Variants in RANBP17 observed in about 807,000 individuals in gnomAD.
RANBP17 encodes RAN binding protein 17, also known as ran-binding protein 17.
In RANBP17, 158 loss-of-function variants were observed where a neutral mutation model predicts 141.2. The observed-to-expected ratio is 1.12, with a 90% CI of 0.98 to 1.28. RANBP17 has a LOEUF of 1.28. Ranked by LOEUF, RANBP17 falls within the 50% of genes most tolerant of loss-of-function variation. RANBP17 has a pLI of 0.00. For missense variants in RANBP17, 1,438 were observed against 1,290.7 expected, an observed-to-expected ratio of 1.11 and a Z score of -1.75; for synonymous variants, 430 against 450.0, an observed-to-expected ratio of 0.96 and a Z score of 0.56.
intron 12 of RANBP17, among the ~76,000 whole-genome samples, chr5:170,942,581 T>TA (rs1413607957): frequency 3.5e-5 from 5 of 143,812 alleles, no homozygotes; most frequent in Admixed American, 6.8e-5. Flanking sequence ...GAGGAAGCTT[T>TA]AAAAAATCAA....
chr5:171,261,695 T>C (rs917401896), intron 24 of RANBP17, among the ~76,000 whole-genome samples: 2 of 152,188 alleles, frequency 1.3e-5, no homozygotes, highest in African/African-American at 4.8e-5. Flanking sequence ...GGCTTAAAAA[T>C]TATTTCCAAA....
At chr5:171,213,258 AT>A (rs1165969037) in intron 20 of RANBP17, among the ~76,000 whole-genome samples, 1 of 152,210 alleles carries the variant, frequency 6.6e-6, no homozygotes, top group South Asian at 2.1e-4. Context: ...ACTCAAATAT[AT>A]TTTTATCCTC....
chr5:170,912,941 A>G (rs1300147992), intron 7 of RANBP17, among the ~76,000 whole-genome samples: 2 of 151,994 alleles, frequency 1.3e-5, no homozygotes, highest in African/African-American at 2.4e-5. Context: ...AAGGATAAAG[A>G]AAAAAATTCT....
chr5:170,940,054 ATT>A (rs1774203922), intron 12 of RANBP17, among the ~76,000 whole-genome samples: 1 of 152,248 alleles, frequency 6.6e-6, no homozygotes, highest in East Asian at 1.9e-4. Context: ...CAGATATGTT[ATT>A]AATCCAATAA....
At chr5:171,252,290 A>T in intron 24 of RANBP17, 1 of 1,550,954 alleles carries the variant, frequency 6.4e-7, no homozygotes, top group Non-Finnish European at 8.9e-7. Context: ...AATATTAATA[A>T]TGAAAATAAT....
chr5:171,002,171 G>A (rs931849810), intron 14 of RANBP17, among the ~76,000 whole-genome samples: 4 of 152,176 alleles, frequency 2.6e-5, no homozygotes, highest in South Asian at 2.1e-4. Context: ...AAGAGGTTAT[G>A]AAATGACGAT....
At chr5:170,903,528 C>T (rs3933492) in intron 5 of RANBP17, 136,430 of 214,154 alleles carry the variant, frequency 0.64, 45,633 homozygotes, top group South Asian at 0.89. Context: ...AGGTGCCACT[C>T]GGCACATTTC....
chr5:170,876,987 CTT>C (rs1768232758), intron 1 of RANBP17, among the ~76,000 whole-genome samples: 1 of 152,038 alleles, frequency 6.6e-6, no homozygotes. Flanking sequence ...CAGAAGACCT[CTT>C]TAACAAAAAA....
intron 14 of RANBP17, among the ~76,000 whole-genome samples, chr5:171,159,353 T>C (rs1385985470): frequency 6.6e-6 from 1 of 152,222 alleles, no homozygotes; most frequent in Non-Finnish European, 1.5e-5. Context: ...CTCATTTCTT[T>C]AACTGAAGAT....
At chr5:170,945,062 T>C (rs1268441816) in intron 12 of RANBP17, among the ~76,000 whole-genome samples, 1 of 152,214 alleles carries the variant, frequency 6.6e-6, no homozygotes, top group African/African-American at 2.4e-5. Context: ...TATTTAGTTA[T>C]ATCCCTAGCA....
At chr5:170,967,098 G>A (rs1776624336) in intron 13 of RANBP17, among the ~76,000 whole-genome samples, 1 of 152,060 alleles carries the variant, frequency 6.6e-6, no homozygotes, top group South Asian at 2.1e-4. Context: ...ATGTTAAGCA[G>A]CTTCAGAAGA....
intron 14 of RANBP17, among the ~76,000 whole-genome samples, chr5:171,140,149 G>C (rs1757591612): frequency 6.6e-6 from 1 of 152,082 alleles, no homozygotes; most frequent in Non-Finnish European, 1.5e-5. Flanking sequence ...GATCTCCCAG[G>C]CTAGGTTATG....
At chr5:170,903,747 T>A in intron 5 of RANBP17, 1 of 309,798 alleles carries the variant, frequency 3.2e-6, no homozygotes, top group South Asian at 3.9e-5. Context: ...TTCTGGAAAG[T>A]TGGGTACAAC....
Position 170,868,111 on chromosome 5 carries a change from T to G in RANBP17, c.18+6060T>G, listed in dbSNP as rs79544373. On this transcript the variant is annotated intron_variant, in intron 1 of 27. Transcript: ENST00000523189. ...TTACTTGCTATATAAAAATAACTCA[T>G]CATTTAGGGGCCAATTCTGTGTCAG... Among the ~76,000 whole-genome samples, 741 of 152,326 alleles carry G rather than the reference T, an allele frequency of 4.9e-3. 5 individuals carry two copies. The highest frequency in any genetic ancestry group is 0.017 in the African/African-American group (696 of 41,572).
chr5:171,225,575 C>T (rs1763833533), intron 22 of RANBP17, among the ~76,000 whole-genome samples: 1 of 152,076 alleles, frequency 6.6e-6, no homozygotes, highest in African/African-American at 2.4e-5. Context: ...AGAGCCAGCA[C>T]TGTTTATCTC....
intron 14 of RANBP17, among the ~76,000 whole-genome samples, chr5:171,058,906 T>G: frequency 6.6e-6 from 1 of 151,824 alleles, no homozygotes; most frequent in Non-Finnish European, 1.5e-5. Flanking sequence ...ATTTCTCTGA[T>G]GGCCAGTGAT....
chr5:170,923,040 T>C (rs1772605860), intron 11 of RANBP17, among the ~76,000 whole-genome samples: 1 of 152,188 alleles, frequency 6.6e-6, no homozygotes, highest in South Asian at 2.1e-4. Flanking sequence ...TATTTTTTCT[T>C]TTATGTATTA....
intron 5 of RANBP17, among the ~76,000 whole-genome samples, chr5:170,905,095 A>G (rs1199266357): frequency 6.6e-6 from 1 of 152,176 alleles, no homozygotes; most frequent in Non-Finnish European, 1.5e-5. Flanking sequence ...AAAAAACAAA[A>G]CAGGCCTTTT....
intron 13 of RANBP17, among the ~76,000 whole-genome samples, chr5:170,963,198 A>G (rs1776272703): frequency 6.6e-6 from 1 of 152,222 alleles, no homozygotes; most frequent in Non-Finnish European, 1.5e-5. Flanking sequence ...CCTAGTATAT[A>G]TGATAAATAC....
Sources: gnomAD v4.1 joint callset for allele counts (sites outside exome capture counted in the v4.1 genomes callset) on GRCh38, gnomAD v4.1.1 for gene constraint, MANE v1.5 for transcripts, NCBI Gene and HGNC (gene_info 2026-07-23, HGNC 2026-07-21) for gene names.